The following XYLT2 variants were observed in gnomAD, a reference collection of about 807,000 sequenced individuals.
The protein encoded by XYLT2 is xylosyltransferase 2.
A neutral mutation model predicts 82.6 loss-of-function variants in XYLT2; 37 were observed. The ratio of observed to expected loss-of-function variants is 0.45; its 90% CI spans 0.34 to 0.59. The LOEUF (loss-of-function observed/expected upper bound fraction) is 0.59. XYLT2 is among the 20% of genes least tolerant of loss of function. The pLI, the probability that XYLT2 is intolerant of heterozygous loss-of-function variation, is 0.01. For synonymous variants in XYLT2, 474 were observed against 499.0 expected, an observed-to-expected ratio of 0.95 and a Z score of 0.67; for missense variants, 934 against 1,181.3, an observed-to-expected ratio of 0.79 and a Z score of 3.07.
intron 9 of XYLT2, chr17:50,357,455 A>G: frequency 1.8e-6 from 1 of 545,550 alleles, no homozygotes; most frequent in East Asian, 3.2e-5. Flanking sequence ...TGCAGAGGAC[A>G]TGCAGGGAGC....
At chr17:50,352,722 C>T (rs1170413370) in intron 1 of XYLT2, among the ~76,000 whole-genome samples, 3 of 152,182 alleles carry the variant, frequency 2.0e-5, no homozygotes, top group Non-Finnish European at 2.9e-5. Context: ...AGAGGCGCCC[C>T]GCTGCAGGGA....
intron 1 of XYLT2, among the ~76,000 whole-genome samples, chr17:50,349,999 A>G (rs946867014): frequency 3.3e-5 from 5 of 150,790 alleles, no homozygotes; most frequent in Non-Finnish European, 4.5e-5. Context: ...CCTGGCCAAT[A>G]TGGTAAAGCC....
Position 50,354,980 on chromosome 17 carries a change from A to G in XYLT2, c.931A>G (p.Met311Val), listed in dbSNP as rs1912456564. ...CCTCCTGAGGATGTACCTGCGGAGCATGCGGGACCTGCTAGAGGTGCCTGG... is the reference window on the plus strand; with the variant it reads ...CCTCCTGAGGATGTACCTGCGGAGCGTGCGGGACCTGCTAGAGGTGCCTGG... ...ASLLRMYLRSMRDLLEVPGWA... is the reference protein window; with the variant it reads ...ASLLRMYLRSVRDLLEVPGWA... The change falls in exon 4 of 11, where the codon ATG (methionine) becomes GTG (valine). Residue 311 changes from methionine (M) to valine (V), a missense_variant. Coordinates refer to ENST00000017003, the MANE Select transcript of XYLT2 (RefSeq NM_022167.4). The G allele has an allele frequency of 6.4e-7, 1 of 1,566,676 alleles. No individual in the cohort carries two copies. The highest frequency in any genetic ancestry group is 8.6e-7 in the Non-Finnish European group (1 of 1,156,400).
rs1221646752 is a variant in XYLT2 at position 50,346,408 on chromosome 17, C to G, written c.135+133C>G. On this transcript the variant is annotated intron_variant, in intron 1 of 10. Transcript: ENST00000017003. The surrounding 1 kb of genome is among the most constrained non-coding windows in gnomAD (Gnocchi z 5.1). ...TGCGTGCGGGGCGCCGGCGGTCGCCCAGAGCGGAGCATCCGGCCCCCGGCA... is the reference window on the plus strand; with the variant it reads ...TGCGTGCGGGGCGCCGGCGGTCGCCGAGAGCGGAGCATCCGGCCCCCGGCA... 1.0e-6 allele frequency: 1 copy of G among 955,014 alleles called. No homozygotes were observed. 59.2% of individuals were successfully genotyped at this position (955,014 alleles called of 1,614,324 possible).
chr17:50,353,305 A>G (rs1051091049), intron 1 of XYLT2, among the ~76,000 whole-genome samples: 9 of 152,106 alleles, frequency 5.9e-5, no homozygotes, highest in Non-Finnish European at 1.2e-4. Context: ...ACACACGTAG[A>G]TATTTATTTT....
At chr17:50,354,361 C>T (rs1236421076) in intron 2 of XYLT2, 47 bp from the exon 3 acceptor site, 1 of 1,553,552 alleles carries the variant, frequency 6.4e-7, no homozygotes, top group Non-Finnish European at 8.7e-7. Flanking sequence ...TCACCCCCAC[C>T]CTGTGACCTA....
At position 50,346,877 on chromosome 17, in the gene XYLT2, G is replaced by C. The variant is rs933943493; in HGVS notation, c.135+602G>C. The C allele has an allele frequency of 7.4e-5, 73 of 985,218 alleles. No individual in the cohort carries two copies. The highest frequency in any genetic ancestry group is 5.2e-4 in the Middle Eastern group (1 of 1,936). 61.0% of individuals were successfully genotyped at this position (985,218 alleles called of 1,614,324 possible). A position where few individuals can be genotyped will look rare whatever the true frequency, so the allele number is the denominator to read the frequency against. On this transcript the variant is annotated intron_variant, in intron 1 of 10. Transcript: ENST00000017003. This position sits in a 1 kb window ranked among gnomAD's most constrained non-coding sequence, Gnocchi z 5.1. ...TTCCCGAGGTGTGGCTTCCTCAGCC[G>C]GGGGTTTGAAGAACCTGGATGGGTC...
rs1912635234 is a variant in XYLT2, at chr17:50,358,215, T to C, written c.1950T>C (p.Thr650=). The stretch of plus-strand genomic sequence containing the variant: ...TGCCTCTCTCTCTACAGGTTGGCAC[T>C]GATTGGGACCCCAAAGAGCGTCTTT... The part of the protein sequence containing the change: ...ASRLQSLEVG[T]DWDPKERLFR... Residue 650 remains threonine (T), a synonymous_variant, in exon 10 of 11, where the codon ACT becomes ACC. Transcript: ENST00000017003. 1 of 1,602,326 alleles carries C rather than the reference T, an allele frequency of 6.2e-7. No individual in the cohort carries two copies. The highest frequency in any genetic ancestry group is 1.1e-5 in the South Asian group (1 of 89,844).
Position 50,353,853 on chromosome 17 carries a change from G to A in XYLT2, c.359G>A (p.Arg120His), listed in dbSNP as rs145954495. 6.7e-3 allele frequency: 10,770 copies of A among 1,605,142 alleles called. 45 individuals are homozygous for A. The highest frequency in any genetic ancestry group is 8.3e-3 in the Non-Finnish European group (9,757 of 1,177,514). The change falls in exon 2 of 11, where the codon CGC becomes CAC. Residue 120 changes from arginine to histidine, a missense_variant. By Grantham distance (29) the Arg-to-His change is conservative (BLOSUM62 0). Around this residue, in one of 3 missense-constraint regions of XYLT2, gnomAD observed 371 missense variants for 394.9 expected, o/e 0.94. Coordinates refer to ENST00000017003, the MANE Select transcript of XYLT2 (RefSeq NM_022167.4). ...PPAPPPEAPG[R>H]QNLSGAAAGE... ...GCCCCACCCCCGGAAGCCCCAGGCC[G>A]CCAGAACCTGAGTGGGGCAGCAGCT... is the stretch of plus-strand genomic sequence containing the variant.
In XYLT2 at chr17:50,346,918, G is replaced by T; in HGVS notation, c.135+643G>T. ...TGGATGGGTCTCCGGAGGGCAGGGA[G>T]AGGAGGAACTGAGCTGGTGAGTTGG... On this transcript the variant is annotated intron_variant, in intron 1 of 10. Coordinates refer to ENST00000017003, the MANE Select transcript of XYLT2 (RefSeq NM_022167.4). This position sits in a 1 kb window ranked among gnomAD's most constrained non-coding sequence, Gnocchi z 5.1. 1 of 985,416 alleles carries T rather than the reference G, an allele frequency of 1.0e-6. No homozygotes were observed. The highest frequency in any genetic ancestry group is 1.1e-4 in the East Asian group (1 of 8,816). The allele number at this position is 985,416 out of a possible 1,614,324, so 61.0% of individuals were successfully genotyped here.
At position 50,346,406 on chromosome 17, in the gene XYLT2, C is replaced by T. The variant is rs1305661924; in HGVS notation, c.135+131C>T. 1.0e-6 allele frequency: 1 copy of T among 960,626 alleles called. No homozygotes were observed. The highest frequency in any genetic ancestry group is 1.8e-5 in the African/African-American group (1 of 56,652). 59.5% of individuals were successfully genotyped at this position (960,626 alleles called of 1,614,324 possible). On this transcript the variant is annotated intron_variant, in intron 1 of 10. Coordinates refer to ENST00000017003, the MANE Select transcript of XYLT2 (RefSeq NM_022167.4). The surrounding 1 kb of genome is among the most constrained non-coding windows in gnomAD (Gnocchi z 5.1). ...CGTGCGTGCGGGGCGCCGGCGGTCGCCCAGAGCGGAGCATCCGGCCCCCGG... is the reference window on the plus strand; with the variant it reads ...CGTGCGTGCGGGGCGCCGGCGGTCGTCCAGAGCGGAGCATCCGGCCCCCGG...
At position 50,358,517 on chromosome 17, in the gene XYLT2, A is replaced by G. The variant is rs531313828; in HGVS notation, c.2252A>G (p.Asn751Ser). Residue 751 changes from asparagine (N) to serine (S), a missense_variant, in exon 10 of 11, where the codon AAC becomes AGC. Physicochemically the swap from Asn to Ser is conservative, Grantham distance 46. This residue lies in a region of XYLT2 where 374 missense variants were observed against 465.6 expected (regional missense o/e 0.80). Transcript: ENST00000017003. ...TRFLVLPLTF[N>S]RKLPLRKDDA... ...TTCCTTGTGCTGCCCTTGACCTTCAACCGCAAACTACCTCTCAGGAAAGGT... is the reference window on the plus strand; with the variant it reads ...TTCCTTGTGCTGCCCTTGACCTTCAGCCGCAAACTACCTCTCAGGAAAGGT... 2.0e-5 allele frequency: 33 copies of G among 1,612,556 alleles called. No individual in the cohort carries two copies. In the South Asian group the frequency reaches 2.6e-4, roughly 13 times the overall value.
Position 50,353,905 on chromosome 17 carries a change from C to T in XYLT2, c.411C>T (p.Gly137=), listed in dbSNP as rs544656148. The change falls in exon 2 of 11, where the codon GGC becomes GGT. Residue 137 remains glycine (G), a synonymous_variant. Transcript: ENST00000017003. ...GGGAGGCGCTGGTAGGGGCAGCTGG[C>T]TTCCCACCACACGGAGATACAGGGA... ...AAGEALVGAA[G]FPPHGDTGSV... is the part of the protein sequence containing the mutation. 1 of 1,608,712 alleles carries T rather than the reference C, an allele frequency of 6.2e-7. No homozygotes were observed. The highest frequency in any genetic ancestry group is 8.5e-7 in the Non-Finnish European group (1 of 1,179,708).
chr17:50,359,535 A>T, intron 10 of XYLT2: 1 of 160,418 alleles, frequency 6.2e-6, no homozygotes, highest in Non-Finnish European at 1.4e-5. Flanking sequence ...AATGCACAGC[A>T]GGTAGGGACA....
chr17:50,348,895 G>A (rs1374379283), intron 1 of XYLT2, among the ~76,000 whole-genome samples: 2 of 152,140 alleles, frequency 1.3e-5, no homozygotes, highest in African/African-American at 4.8e-5. Flanking sequence ...GGGCTGCTGG[G>A]GGCAGCCTGT....
At position 50,360,554 on chromosome 17, in the gene XYLT2, T is replaced by C. The variant is rs1912759073; in HGVS notation, c.*263T>C. On this transcript the variant is annotated 3_prime_UTR_variant, in exon 11 of 11. Transcript: ENST00000017003. ...GCTCTTCCTCACCTTCCTGTCTAGT[T>C]TGAATTTCTTTTTTTTCTTTTTTTT... The C allele has an allele frequency of 1.3e-5, 16 of 1,224,760 alleles. No homozygotes were observed. Among genetic ancestry groups the C allele is most frequent in the Non-Finnish European group, 1.6e-5 (16 of 985,006 alleles). The allele number at this position is 1,224,760 out of a possible 1,614,324, so 75.9% of individuals were successfully genotyped here.
In XYLT2 at chr17:50,356,592, C is replaced by G; in HGVS notation, c.1564C>G (p.Leu522Val). The G allele has an allele frequency of 1.2e-6, 2 of 1,614,124 alleles. No homozygotes were observed. Among genetic ancestry groups the G allele is most frequent in the Non-Finnish European group, 1.7e-6 (2 of 1,180,008 alleles). Reference protein sequence around the residue: ...QEVLEILDFHLYGSYPPGTPA... With the variant: ...QEVLEILDFHVYGSYPPGTPA... ...GGTGCTGGAAATCCTGGACTTCCAC[C>G]TGTATGGCAGCTACCCCCCCGGCAC... Residue 522 changes from leucine to valine, a missense_variant, in exon 8 of 11, where the codon CTG (leucine) becomes GTG (valine). By Grantham distance (32) the Leu-to-Val change is conservative. Around this residue, in one of 3 missense-constraint regions of XYLT2, gnomAD observed 374 missense variants for 465.6 expected, o/e 0.80. Coordinates refer to ENST00000017003, the MANE Select transcript of XYLT2 (RefSeq NM_022167.4).
chr17:50,346,376 G>C lies in XYLT2; in HGVS notation c.135+101G>C. 1.0e-6 allele frequency: 1 copy of C among 974,936 alleles called. No individual in the cohort carries two copies. The highest frequency in any genetic ancestry group is 1.2e-6 in the Non-Finnish European group (1 of 819,970). 60.4% of individuals were successfully genotyped at this position (974,936 alleles called of 1,614,324 possible). On this transcript the variant is annotated intron_variant, in intron 1 of 10. Coordinates refer to ENST00000017003, the MANE Select transcript of XYLT2 (RefSeq NM_022167.4). The surrounding 1 kb of genome is among the most constrained non-coding windows in gnomAD (Gnocchi z 5.1). ...CAGCCGGGGAAGTGGGGCACGGGCCGCGTGCGTGCGTGCGGGGCGCCGGCG... is the reference window on the plus strand; with the variant it reads ...CAGCCGGGGAAGTGGGGCACGGGCCCCGTGCGTGCGTGCGGGGCGCCGGCG...
intron 10 of XYLT2, 33 bp from the exon 11 acceptor site, chr17:50,359,936 G>T (rs756474618): frequency 6.6e-7 from 1 of 1,521,822 alleles, no homozygotes; most frequent in Non-Finnish European, 8.9e-7. Flanking sequence ...TCTGTTGCAG[G>T]GGGTGTGCTT....
Sources: allele counts gnomAD v4.1 joint callset (sites outside exome capture counted in the v4.1 genomes callset), GRCh38; gene constraint gnomAD v4.1.1; regional missense constraint gnomAD v4.1.1; non-coding constraint Gnocchi (gnomAD v3.1); transcripts MANE v1.5; gene names NCBI Gene and HGNC (gene_info 2026-07-23, HGNC 2026-07-21).